Variants in GRID2 observed in about 807,000 individuals in gnomAD.
GRID2 encodes the protein glutamate ionotropic receptor delta type subunit 2.
A neutral mutation model predicts 114.8 loss-of-function variants in GRID2; 33 were observed. The ratio of observed to expected loss-of-function variants is 0.29; its 90% confidence interval spans 0.22 to 0.38. GRID2 has a LOEUF of 0.38. Ranked by LOEUF, GRID2 falls within the 10% of genes least tolerant of loss-of-function variation. The probability of loss-of-function intolerance (pLI) is 1.00; values close to 1 mark genes in which losing one functional copy is unlikely to be tolerated. For missense variants in GRID2, 1,184 were observed against 1,257.7 expected, an observed-to-expected ratio of 0.94 and a Z score of 0.89; for synonymous variants, 505 against 449.9, an observed-to-expected ratio of 1.12 and a Z score of -1.55.
intron 2 of GRID2, among the ~76,000 whole-genome samples, chr4:92,766,586 ATGAATGAATAAGT>A (rs1738282052): frequency 6.6e-6 from 1 of 151,668 alleles, no homozygotes; most frequent in Non-Finnish European, 1.5e-5. Flanking sequence ...ATGGTAATGT[ATGAATGAATAAGT>A]TGAATGAATG....
intron 1 of GRID2, among the ~76,000 whole-genome samples, chr4:92,495,694 ATAATG>A (rs1019893874): frequency 1.3e-3 from 196 of 152,074 alleles, no homozygotes; most frequent in African/African-American, 4.3e-3. Context: ...TTATAAAAAT[ATAATG>A]TAATATAAAT....
intron 1 of GRID2, among the ~76,000 whole-genome samples, chr4:92,500,451 A>G (rs1326190772): frequency 6.6e-6 from 1 of 152,126 alleles, no homozygotes; most frequent in Non-Finnish European, 1.5e-5. Context: ...TCTTCTGTTT[A>G]GGTGGACTTA....
chr4:93,411,073 A>C (rs1316891132), intron 9 of GRID2, among the ~76,000 whole-genome samples: 1 of 152,232 alleles, frequency 6.6e-6, no homozygotes, highest in Admixed American at 6.5e-5. Context: ...AGTATTCTAT[A>C]TTTAATGACA....
chr4:92,813,439 G>T (rs758097096), intron 2 of GRID2, among the ~76,000 whole-genome samples: 1 of 152,004 alleles, frequency 6.6e-6, no homozygotes, highest in Non-Finnish European at 1.5e-5. Flanking sequence ...CCCTAACTCC[G>T]TATGCTGTGG....
At chr4:93,385,425 T>A (rs1183579766) in intron 8 of GRID2, among the ~76,000 whole-genome samples, 1 of 152,184 alleles carries the variant, frequency 6.6e-6, no homozygotes, top group Non-Finnish European at 1.5e-5. Flanking sequence ...AAAACCTGCA[T>A]GCCACAAAAC....
intron 13 of GRID2, among the ~76,000 whole-genome samples, chr4:93,614,301 C>T (rs145619942): frequency 0.071 from 10,872 of 152,118 alleles, 683 homozygotes; most frequent in African/African-American, 0.17. Context: ...AGCTGTAGAC[C>T]GGAGCTGTTC....
At chr4:93,691,359 G>A (rs748778013) in intron 14 of GRID2, among the ~76,000 whole-genome samples, 15 of 151,856 alleles carry the variant, frequency 9.9e-5, no homozygotes, top group Non-Finnish European at 1.6e-4. Context: ...GCTTTAATGT[G>A]GTCAATAGGT....
chr4:93,611,292 GT>G (rs1474219536), intron 13 of GRID2, among the ~76,000 whole-genome samples: 1 of 112,318 alleles, frequency 8.9e-6, no homozygotes, highest in Non-Finnish European at 1.9e-5. Flanking sequence ...TTTTTTGAAG[GT>G]TTTTTTGTGT....
At chr4:92,671,923 T>TG (rs1311454928) in intron 2 of GRID2, among the ~76,000 whole-genome samples, 1 of 152,130 alleles carries the variant, frequency 6.6e-6, no homozygotes, top group African/African-American at 2.4e-5. Flanking sequence ...TCAGACCATA[T>TG]GGTTTCAGGA....
chr4:93,780,821 G>C (rs1734464389), intron 1 of GRID2, among the ~76,000 whole-genome samples: 1 of 152,258 alleles, frequency 6.6e-6, no homozygotes, highest in South Asian at 2.1e-4. Context: ...GCTCTTAAAG[G>C]GGCAGTTTAG....
intron 2 of GRID2, among the ~76,000 whole-genome samples, chr4:92,634,072 G>A (rs1730942077): frequency 6.7e-6 from 1 of 149,004 alleles, no homozygotes; most frequent in Non-Finnish European, 1.5e-5. Context: ...ATTGTCTTGG[G>A]CCACATATAA....
chr4:92,495,126 C>T (rs1169086564), intron 1 of GRID2, among the ~76,000 whole-genome samples: 2 of 151,906 alleles, frequency 1.3e-5, no homozygotes, highest in Non-Finnish European at 2.9e-5. Flanking sequence ...TCCAGTCAAG[C>T]AAAACCAGAA....
intron 2 of GRID2, among the ~76,000 whole-genome samples, chr4:93,057,142 G>A (rs2870657): frequency 0.41 from 61,742 of 151,202 alleles, 12,938 homozygotes; most frequent in Middle Eastern, 0.53. Flanking sequence ...TGACTGAAGT[G>A]TGTGAGTGTG....
chr4:92,384,366 A>T (rs549359310), intron 1 of GRID2, among the ~76,000 whole-genome samples: 8 of 131,340 alleles, frequency 6.1e-5, no homozygotes, highest in African/African-American at 2.4e-4. Flanking sequence ...ACATTCTGTG[A>T]ATCAGCCATT....
intron 13 of GRID2, among the ~76,000 whole-genome samples, chr4:93,572,669 T>C (rs1041102886): frequency 6.6e-6 from 1 of 152,164 alleles, no homozygotes; most frequent in Non-Finnish European, 1.5e-5. Context: ...ATAGACTTAT[T>C]GCAGCAAAGG....
At chr4:92,534,519 A>G (rs1725511357) in intron 1 of GRID2, among the ~76,000 whole-genome samples, 1 of 152,192 alleles carries the variant, frequency 6.6e-6, no homozygotes, top group Non-Finnish European at 1.5e-5. Context: ...TGAACAAGTC[A>G]TCTACTTCTT....
intron 2 of GRID2, among the ~76,000 whole-genome samples, chr4:93,001,375 A>G (rs188087792): frequency 5.5e-4 from 84 of 151,778 alleles, no homozygotes; most frequent in African/African-American, 2.0e-3. Flanking sequence ...ACAAGGAGAG[A>G]GGAACCAAGT....
chr4:93,552,727 G>A (rs1436646517), intron 13 of GRID2, among the ~76,000 whole-genome samples: 1 of 152,090 alleles, frequency 6.6e-6, no homozygotes, highest in Non-Finnish European at 1.5e-5. Context: ...TTGGTTTGCG[G>A]CACCCATCAA....
At chr4:92,544,466 T>A (rs1435184923) in intron 1 of GRID2, among the ~76,000 whole-genome samples, 1 of 152,268 alleles carries the variant, frequency 6.6e-6, no homozygotes, top group East Asian at 1.9e-4. Context: ...CGCCAGAGCA[T>A]TTATATACTC....
Sources: gnomAD v4.1 joint callset for allele counts (sites outside exome capture counted in the v4.1 genomes callset) on GRCh38, gnomAD v4.1.1 for gene constraint, MANE v1.5 for transcripts, NCBI Gene and HGNC (gene_info 2026-07-23, HGNC 2026-07-21) for gene names.